Variants in LRRC27 observed in about 807,000 individuals in gnomAD.
The protein encoded by LRRC27 is leucine rich repeat containing 27, also known as leucine-rich repeat-containing protein 27.
In LRRC27, 57 loss-of-function variants were observed where a neutral mutation model predicts 55.0. That is an observed-to-expected ratio of 1.04 (90% confidence interval 0.84 to 1.29). LRRC27 has a LOEUF of 1.29. LRRC27 is among the 50% of genes most tolerant of loss of function. LRRC27 has a pLI of 0.00. For missense variants in LRRC27, 721 were observed against 651.5 expected (o/e 1.11, Z -1.16); for synonymous variants, 278 against 251.9 (o/e 1.10, Z -0.98).
chr10:132,358,624 G>A (rs1225318010), intron 8 of LRRC27, among the ~76,000 whole-genome samples: 2 of 125,930 alleles, frequency 1.6e-5, no homozygotes, highest in East Asian at 6.0e-4. Context: ...GGTGGAGCGT[G>A]GGGAGGAGCC....
chr10:132,336,969 C>T (rs2067163800), intron 2 of LRRC27: 1 of 683,572 alleles, frequency 1.5e-6, no homozygotes, highest in Admixed American at 3.8e-5. Flanking sequence ...CATCTTCCAC[C>T]TTCCCTTATT....
intron 6 of LRRC27, chr10:132,349,164 G>C: frequency 1.2e-6 from 1 of 800,588 alleles, no homozygotes; most frequent in Non-Finnish European, 2.1e-6. Flanking sequence ...GGTGAATCTA[G>C]ATCATGCATT....
At chr10:132,331,224 A>AAAAC (rs2066710443), upstream of LRRC27, among the ~76,000 whole-genome samples, 1 of 136,190 alleles carries the variant, frequency 7.3e-6, no homozygotes, top group Non-Finnish European at 1.6e-5. Context: ...AAAAAAAAAA[A>AAAAC]GTGAAATCAT....
At chr10:132,343,360 A>C (rs957412387) in intron 4 of LRRC27, among the ~76,000 whole-genome samples, 68 of 152,314 alleles carry the variant, frequency 4.5e-4, no homozygotes, top group African/African-American at 1.6e-3. Flanking sequence ...ATAAAAGAAC[A>C]GTTAGGTTAA....
chr10:132,355,921 C>A, intron 8 of LRRC27, 35 bp downstream of exon 8: 1 of 1,448,058 alleles, frequency 6.9e-7, no homozygotes, highest in Non-Finnish European at 9.5e-7. Context: ...GGGCACTAGT[C>A]CAGTCCCGGG....
At chr10:132,343,316 AAAAAC>A (rs1301052296) in intron 4 of LRRC27, among the ~76,000 whole-genome samples, 1 of 152,164 alleles carries the variant, frequency 6.6e-6, no homozygotes, top group Non-Finnish European at 1.5e-5. Flanking sequence ...CCCTCTCTCT[AAAAAC>A]AAAACAACAA....
chr10:132,364,749 C>T (rs1407737823), intron 9 of LRRC27, among the ~76,000 whole-genome samples: 25 of 114,098 alleles, frequency 2.2e-4, no homozygotes, highest in South Asian at 2.9e-4. Context: ...TACCTCCACG[C>T]CCACACTTAC....
rs1256172689 is a variant in LRRC27 at position 132,375,312 on chromosome 10, C to T, written c.*70C>T. 3 of 1,458,058 alleles carry T rather than the reference C, an allele frequency of 2.1e-6. No individual in the cohort carries two copies. Among genetic ancestry groups the T allele is most frequent in the Non-Finnish European group, 9.3e-7 (1 of 1,072,772 alleles). The allele number at this position is 1,458,058 out of a possible 1,614,324, so 90.3% of individuals were successfully genotyped here. ...CTCAGTCTTCTTTCCCGGGCGTCGC[C>T]TCCTGTGTGGTGCCGGAAGAGCGCC... On this transcript the variant is annotated 3_prime_UTR_variant, in exon 11 of 11. Coordinates refer to ENST00000368614, the MANE Select transcript of LRRC27 (RefSeq NM_030626.3).
intron 5 of LRRC27, among the ~76,000 whole-genome samples, chr10:132,347,487 T>C (rs942073991): frequency 3.3e-5 from 5 of 150,294 alleles, no homozygotes; most frequent in Non-Finnish European, 7.4e-5. Context: ...CTGTGGGGCT[T>C]GTGTGGGAAG....
At chr10:132,339,251 A>G (rs1261773557) in intron 3 of LRRC27, among the ~76,000 whole-genome samples, 1 of 152,236 alleles carries the variant, frequency 6.6e-6, no homozygotes, top group African/African-American at 2.4e-5. Context: ...TCCGTGGGAC[A>G]GTAGAATAGA....
Position 132,348,934 on chromosome 10 carries a change from C to T in LRRC27, c.926+578C>T. ...GCCTTTGGTACAGTGAGTTTGGGGG[C>T]CGAGATTTTATTTTCCTTTCACACC... On this transcript the variant is annotated intron_variant, in intron 6 of 10. Transcript: ENST00000368614. The surrounding 1 kb of genome is among the most constrained non-coding windows in gnomAD (Gnocchi z 4.2). 6.5e-7 allele frequency: 1 copy of T among 1,529,834 alleles called. No individual in the cohort carries two copies. Among genetic ancestry groups the T allele is most frequent in the East Asian group, 2.4e-5 (1 of 41,952 alleles). 94.8% of individuals were successfully genotyped at this position (1,529,834 alleles called of 1,614,324 possible). A position where few individuals can be genotyped will look rare whatever the true frequency, so the allele number is the denominator to read the frequency against.
intron 6 of LRRC27, 62 bp from the exon 7 acceptor site, chr10:132,351,545 T>G: frequency 6.4e-7 from 1 of 1,560,848 alleles, no homozygotes; most frequent in Non-Finnish European, 8.7e-7. Context: ...TTTCACATGT[T>G]GTATGAATTA....
rs116720164 is a variant in LRRC27, at chr10:132,342,270, G to A, written c.399G>A (p.Leu133=). 4 of 1,523,040 alleles carry A rather than the reference G, an allele frequency of 2.6e-6. No individual in the cohort carries two copies. The highest frequency in any genetic ancestry group is 3.5e-6 in the Non-Finnish European group (4 of 1,128,022). The allele number at this position is 1,523,040 out of a possible 1,614,324, so 94.3% of individuals were successfully genotyped here. A position where few individuals can be genotyped will look rare whatever the true frequency, so the allele number is the denominator to read the frequency against. Residue 133 remains leucine, a splice_region_variant and synonymous_variant, in exon 4 of 11, where the codon CTG becomes CTA. Coordinates refer to ENST00000368614, the MANE Select transcript of LRRC27 (RefSeq NM_030626.3). ...RNPIKMLPVE[L]GSVTTLKALN... is the part of the protein sequence containing the mutation. The stretch of plus-strand genomic sequence containing the variant: ...CTATCAAAATGTTACCTGTGGAGCT[G>A]GGTAAGTATAAAATAATAAAAAGAT...
At chr10:132,347,649 G>T (rs984155904) in intron 5 of LRRC27, among the ~76,000 whole-genome samples, 2 of 150,376 alleles carry the variant, frequency 1.3e-5, no homozygotes, top group African/African-American at 4.9e-5. Flanking sequence ...AGTGGGGCCT[G>T]GTGGGGCCTG....
In LRRC27 at chr10:132,364,315, C is replaced by A. The variant is rs375287513; in HGVS notation, c.1290-1109C>A. 1.6e-4 allele frequency among the ~76,000 whole-genome samples: 16 copies of A among 100,330 alleles called. No homozygotes were observed. The South Asian group carries it at 5.2e-3, about 33-fold the overall frequency. The allele number at this position is 100,330 out of a possible 152,430, so 65.8% of individuals were successfully genotyped here. A position where few individuals can be genotyped will look rare whatever the true frequency, so the allele number is the denominator to read the frequency against. On this transcript the variant is annotated intron_variant, in intron 9 of 10. Coordinates refer to ENST00000368614, the MANE Select transcript of LRRC27 (RefSeq NM_030626.3). ...CATGCACCCACGCCCGCACCAACAC[C>A]CACACCACACCCATGACCACACCCA...
At chr10:132,368,753 T>C (rs2069152319) in intron 10 of LRRC27, among the ~76,000 whole-genome samples, 1 of 152,188 alleles carries the variant, frequency 6.6e-6, no homozygotes, top group Non-Finnish European at 1.5e-5. Context: ...TGATGATGTT[T>C]AAATACAACA....
chr10:132,346,023 G>A (rs1232602024), intron 5 of LRRC27, among the ~76,000 whole-genome samples: 3 of 152,212 alleles, frequency 2.0e-5, no homozygotes, highest in Non-Finnish European at 2.9e-5. Context: ...CCTGGTTTTG[G>A]TGAATCGCTA....
At position 132,344,661 on chromosome 10, in the gene LRRC27, G is replaced by A. The variant is rs769002946; in HGVS notation, c.553+11G>A. Reference sequence around the variant, plus strand: ...ATCCAACTTCTCAAGGTTTGTAGGAGGTGATTTATGACAAATCACATTAAC... The same window carrying A: ...ATCCAACTTCTCAAGGTTTGTAGGAAGTGATTTATGACAAATCACATTAAC... On this transcript the variant is annotated intron_variant, in intron 5 of 10. Coordinates refer to ENST00000368614, the MANE Select transcript of LRRC27 (RefSeq NM_030626.3). The A allele has an allele frequency of 3.7e-6, 6 of 1,612,002 alleles. No individual in the cohort carries two copies. Among genetic ancestry groups the A allele is most frequent in the African/African-American group, 1.3e-5 (1 of 74,880 alleles).
intron 8 of LRRC27, among the ~76,000 whole-genome samples, chr10:132,358,357 G>A (rs1423028768): frequency 1.7e-5 from 2 of 115,988 alleles, no homozygotes; most frequent in Non-Finnish European, 3.6e-5. Flanking sequence ...CGAGGTGGTG[G>A]AGCAGCGTGG....
Sources: gnomAD v4.1 joint callset for allele counts (sites outside exome capture counted in the v4.1 genomes callset) on GRCh38, gnomAD v4.1.1 for gene constraint, Gnocchi (gnomAD v3.1) non-coding constraint, MANE v1.5 for transcripts, NCBI Gene and HGNC (gene_info 2026-07-23, HGNC 2026-07-21) for gene names.